Variants in PKP4 observed in about 807,000 individuals in gnomAD.
PKP4 encodes plakophilin 4.
A neutral mutation model predicts 145.1 loss-of-function variants in PKP4; 90 were observed. The observed-to-expected ratio is 0.62, with a 90% CI of 0.52 to 0.74. The LOEUF is 0.74. Among genes scored for constraint, PKP4 ranks in the 30% least tolerant of loss-of-function variants. PKP4 has a pLI of 0.00. For synonymous variants in PKP4, 563 were observed against 577.2 expected, an observed-to-expected ratio of 0.98 and a Z score of 0.35; for missense variants, 1,340 against 1,482.7, an observed-to-expected ratio of 0.90 and a Z score of 1.58.
At position 158,533,236 on chromosome 2, in the gene PKP4, C is replaced by T. The variant is rs541990210; in HGVS notation, c.52C>T (p.Arg18Cys). 9.9e-6 allele frequency: 16 copies of T among 1,613,894 alleles called. No individual in the cohort carries two copies. Among genetic ancestry groups the T allele is most frequent in the Non-Finnish European group, 1.3e-5 (15 of 1,179,974 alleles). The change falls in exon 2 of 22, where the codon CGC (arginine) becomes TGC (cysteine). Residue 18 changes from arginine (R) to cysteine (C), a missense_variant. Coordinates refer to ENST00000389759, the MANE Select transcript of PKP4 (RefSeq NM_003628.6). ...GGTGGAGGAGGGGCAACCACAGACC[C>T]GCCAGGAAGCTGCCTCCACTGGCCC... ...SLVEEGQPQT[R>C]QEAASTGPGM... is the part of the protein sequence containing the mutation.
intron 2 of PKP4, among the ~76,000 whole-genome samples, chr2:158,557,901 A>G (rs984988030): frequency 1.3e-5 from 2 of 152,178 alleles, no homozygotes; most frequent in Non-Finnish European, 2.9e-5. Context: ...GTGTACCTTG[A>G]GGTGATTGTG....
At chr2:158,637,571 T>C (rs1405335847) in intron 9 of PKP4, among the ~76,000 whole-genome samples, 2 of 152,214 alleles carry the variant, frequency 1.3e-5, no homozygotes, top group Admixed American at 1.3e-4. Context: ...CACATACTAC[T>C]TGGCCTCAGC....
intron 1 of PKP4, among the ~76,000 whole-genome samples, chr2:158,521,030 A>G (rs769205083): frequency 1.3e-5 from 2 of 152,248 alleles, no homozygotes; most frequent in Non-Finnish European, 2.9e-5. Flanking sequence ...CTTCACAAAG[A>G]GTGCTGCCTT....
chr2:158,575,647 C>T (rs1044951941), intron 2 of PKP4, among the ~76,000 whole-genome samples: 1 of 152,080 alleles, frequency 6.6e-6, no homozygotes, highest in East Asian at 1.9e-4. Context: ...ACTCAGAGGA[C>T]GAAGGTATTG....
intron 2 of PKP4, among the ~76,000 whole-genome samples, chr2:158,542,724 G>A (rs900325957): frequency 2.0e-5 from 3 of 152,052 alleles, no homozygotes; most frequent in African/African-American, 7.2e-5. Context: ...TTGCTTTACT[G>A]GGCCTGCTGC....
At chr2:158,473,850 T>C (rs1438018596) in intron 1 of PKP4, among the ~76,000 whole-genome samples, 1 of 152,226 alleles carries the variant, frequency 6.6e-6, no homozygotes, top group Non-Finnish European at 1.5e-5. Flanking sequence ...GTATCTTAGC[T>C]TATTTTTTGC....
At chr2:158,540,442 T>A (rs988339649) in intron 2 of PKP4, among the ~76,000 whole-genome samples, 5 of 152,204 alleles carry the variant, frequency 3.3e-5, no homozygotes, top group Non-Finnish European at 7.4e-5. Context: ...TTAAAAAATG[T>A]TTATTTAAAG....
At chr2:158,538,908 G>T (rs2105652969) in intron 2 of PKP4, among the ~76,000 whole-genome samples, 1 of 152,190 alleles carries the variant, frequency 6.6e-6, no homozygotes, top group Non-Finnish European at 1.5e-5. Context: ...TTAAGGTTGA[G>T]GCCAATCCAG....
At chr2:158,498,059 T>G (rs902899619) in intron 1 of PKP4, among the ~76,000 whole-genome samples, 18 of 152,224 alleles carry the variant, frequency 1.2e-4, no homozygotes, top group African/African-American at 4.3e-4. Flanking sequence ...CTGACTAAAT[T>G]TTTTTAGAAA....
chr2:158,573,654 C>CA (rs56145817), intron 2 of PKP4, among the ~76,000 whole-genome samples: 54,088 of 127,940 alleles, frequency 0.42, 11,131 homozygotes, highest in East Asian at 0.62. Flanking sequence ...AAATGGAAGC[C>CA]AAAAAAAAAA....
chr2:158,474,358 A>G (rs16842964), intron 1 of PKP4, among the ~76,000 whole-genome samples: 33,502 of 152,150 alleles, frequency 0.22, 3,865 homozygotes, highest in Middle Eastern at 0.33. Flanking sequence ...ACATTATAAT[A>G]CCAAAGCTAT....
chr2:158,572,834 T>A (rs1252562622), intron 2 of PKP4, among the ~76,000 whole-genome samples: 1 of 152,096 alleles, frequency 6.6e-6, no homozygotes, highest in African/African-American at 2.4e-5. Context: ...AAAGAGAAAT[T>A]TAAGGCCCAG....
intron 2 of PKP4, among the ~76,000 whole-genome samples, chr2:158,550,898 C>T (rs1441617813): frequency 6.6e-6 from 1 of 152,142 alleles, no homozygotes; most frequent in African/African-American, 2.4e-5. Flanking sequence ...AATTTACAAC[C>T]TAGGCAACCT....
intron 1 of PKP4, among the ~76,000 whole-genome samples, chr2:158,522,783 G>A (rs1009835597): frequency 2.6e-5 from 4 of 152,238 alleles, no homozygotes; most frequent in South Asian, 2.1e-4. Context: ...CGCACCGTGC[G>A]CGAGCCAAAG....
At chr2:158,551,562 C>A (rs1026871197) in intron 2 of PKP4, among the ~76,000 whole-genome samples, 1 of 152,106 alleles carries the variant, frequency 6.6e-6, no homozygotes, top group African/African-American at 2.4e-5. Flanking sequence ...TACTCTAACT[C>A]CTAAGGGAAA....
intron 1 of PKP4, among the ~76,000 whole-genome samples, chr2:158,463,949 G>T (rs1268583259): frequency 6.6e-6 from 1 of 152,198 alleles, no homozygotes; most frequent in Non-Finnish European, 1.5e-5. Flanking sequence ...CGGGGCAGGA[G>T]CTGAGCAGTG....
chr2:158,477,722 G>A (rs1574001795), intron 1 of PKP4, among the ~76,000 whole-genome samples: 2 of 152,320 alleles, frequency 1.3e-5, no homozygotes, highest in East Asian at 3.9e-4. Context: ...GCACATGCCT[G>A]TAATCAACGC....
intron 11 of PKP4, among the ~76,000 whole-genome samples, chr2:158,650,990 T>C (rs2055310880): frequency 6.6e-6 from 1 of 152,178 alleles, no homozygotes. Flanking sequence ...GGAACTCTGC[T>C]CAGATAGTGG....
chr2:158,533,417 T>G (rs918723325), intron 2 of PKP4, 101 bp downstream of exon 2: 26 of 1,355,388 alleles, frequency 1.9e-5, no homozygotes, highest in Non-Finnish European at 2.7e-5. Context: ...CCTTGACGCC[T>G]TCACGTTTTC....
Sources: allele counts gnomAD v4.1 joint callset (sites outside exome capture counted in the v4.1 genomes callset), GRCh38; gene constraint gnomAD v4.1.1; transcripts MANE v1.5; gene names NCBI Gene and HGNC (gene_info 2026-07-23, HGNC 2026-07-21).